Variants in HDAC4 observed in about 807,000 individuals in gnomAD.
The protein encoded by HDAC4 is histone deacetylase 4.
In HDAC4, 16 loss-of-function variants were observed where a neutral mutation model predicts 135.1. The observed-to-expected ratio is 0.12, with a 90% confidence interval of 0.08 to 0.18. The LOEUF is 0.18. HDAC4 is among the 10% of genes least tolerant of loss of function. HDAC4 has a pLI of 1.00. For synonymous variants in HDAC4, 685 were observed against 653.4 expected (o/e 1.05, Z -0.74); for missense variants, 1,143 against 1,511.8 (o/e 0.76, Z 4.05).
intron 3 of HDAC4, among the ~76,000 whole-genome samples, chr2:239,203,176 G>A (rs1188413692): frequency 6.6e-6 from 1 of 152,170 alleles, no homozygotes; most frequent in Non-Finnish European, 1.5e-5. Flanking sequence ...ACACCAAGGG[G>A]AAGAGCTCAG....
intron 12 of HDAC4, among the ~76,000 whole-genome samples, chr2:239,121,371 G>A (rs1407841695): frequency 6.6e-6 from 1 of 152,172 alleles, no homozygotes; most frequent in African/African-American, 2.4e-5. Flanking sequence ...GCGGGGGTCA[G>A]CCTCTCTTCC....
chr2:239,154,177 T>C (rs2042281108), intron 7 of HDAC4, among the ~76,000 whole-genome samples: 1 of 151,826 alleles, frequency 6.6e-6, no homozygotes, highest in Non-Finnish European at 1.5e-5. Flanking sequence ...GGGCCCTTGG[T>C]GGAAAGGCTC....
intron 3 of HDAC4, among the ~76,000 whole-genome samples, chr2:239,211,329 A>G (rs1227977504): frequency 6.6e-6 from 1 of 152,202 alleles, no homozygotes; most frequent in East Asian, 1.9e-4. Context: ...AGAATGCTGG[A>G]AAGAATTGGG....
chr2:239,348,104 C>T (rs1447040858), intron 2 of HDAC4, among the ~76,000 whole-genome samples: 6 of 150,148 alleles, frequency 4.0e-5, no homozygotes, highest in Non-Finnish European at 8.9e-5. Flanking sequence ...TGCTTCCTAT[C>T]GAGAGCATCA....
intron 22 of HDAC4, among the ~76,000 whole-genome samples, chr2:239,076,106 G>A (rs2152657848): frequency 6.6e-6 from 1 of 152,068 alleles, no homozygotes; most frequent in Admixed American, 6.5e-5. Context: ...TCAGCTTCCG[G>A]GGAAACAAAG....
chr2:239,137,234 G>T (rs905906749), intron 9 of HDAC4, among the ~76,000 whole-genome samples: 4 of 152,234 alleles, frequency 2.6e-5, no homozygotes, highest in Non-Finnish European at 5.9e-5. Context: ...CGAGCCCTGC[G>T]GGAGGCATTC....
Position 239,301,092 on chromosome 2 carries a change from A to T in HDAC4, c.22+51586T>A, listed in dbSNP as rs78309443. On this transcript the variant is annotated intron_variant, in intron 2 of 26. Transcript: ENST00000543185. ...GGTCCCTCAGCCCCGGCGGGGAGCA[A>T]GGCCTTCCTGCAGCAACCCCTCAGG... Among the ~76,000 whole-genome samples, 23 of 152,242 alleles carry T rather than the reference A, an allele frequency of 1.5e-4. No homozygotes were observed. In the East Asian group the frequency reaches 4.3e-3, roughly 28 times the overall value.
At chr2:239,198,388 T>A (rs1447362626) in intron 3 of HDAC4, among the ~76,000 whole-genome samples, 1 of 152,172 alleles carries the variant, frequency 6.6e-6, no homozygotes, top group Admixed American at 6.5e-5. Flanking sequence ...AGGGCTGGCC[T>A]ACTGTCCACG....
rs1365254236 is a variant in HDAC4 at position 239,090,102 on chromosome 2, G to A, written c.2295C>T (p.Thr765=). The change falls in exon 18 of 27, where the codon ACC becomes ACT. Residue 765 remains threonine, a synonymous_variant. Transcript: ENST00000543185. The part of the protein sequence containing the change: ...PCGGVGVDSD[T]IWNEVHSAGA... Reference sequence around the variant, plus strand: ...CCGCCGAGTGCACCTCGTTCCATATGGTGTCACTGTCCACCTGTGGAAACA... The same window carrying A: ...CCGCCGAGTGCACCTCGTTCCATATAGTGTCACTGTCCACCTGTGGAAACA... 3 of 1,612,864 alleles carry A rather than the reference G, an allele frequency of 1.9e-6. No homozygotes were observed. In the East Asian group the frequency reaches 6.7e-5, roughly 36 times the overall value.
At chr2:239,359,937 G>A (rs899682513) in intron 1 of HDAC4, among the ~76,000 whole-genome samples, 8 of 152,216 alleles carry the variant, frequency 5.3e-5, no homozygotes, top group African/African-American at 1.9e-4. Flanking sequence ...CAAAGGAAGT[G>A]AGAATTCAGG....
At chr2:239,270,089 G>A (rs2049976466) in intron 2 of HDAC4, among the ~76,000 whole-genome samples, 1 of 152,208 alleles carries the variant, frequency 6.6e-6, no homozygotes, top group Non-Finnish European at 1.5e-5. Context: ...CTCTGGATGA[G>A]CTCAGGATGT....
At chr2:239,390,501 T>C (rs1696126008) in intron 1 of HDAC4, among the ~76,000 whole-genome samples, 1 of 152,044 alleles carries the variant, frequency 6.6e-6, no homozygotes, top group Non-Finnish European at 1.5e-5. Context: ...CTGTAGTGAG[T>C]GGTGATTGTA....
intron 2 of HDAC4, among the ~76,000 whole-genome samples, chr2:239,311,435 G>A (rs924610772): frequency 3.3e-5 from 5 of 152,162 alleles, no homozygotes; most frequent in South Asian, 4.1e-4. Context: ...GTTCTGATCC[G>A]CAGAACACAT....
chr2:239,105,042 G>T (rs1333391656), intron 15 of HDAC4, among the ~76,000 whole-genome samples: 1 of 152,256 alleles, frequency 6.6e-6, no homozygotes, highest in Non-Finnish European at 1.5e-5. Context: ...GTGCAATATT[G>T]TGACGGCTCA....
At chr2:239,094,052 T>C (rs1168088256) in intron 17 of HDAC4, 4 of 985,450 alleles carry the variant, frequency 4.1e-6, no homozygotes, top group Non-Finnish European at 4.8e-6. Context: ...ATCCAGACCT[T>C]GAGCTTCACC....
intron 2 of HDAC4, among the ~76,000 whole-genome samples, chr2:239,290,539 G>A (rs1049587388): frequency 1.3e-5 from 2 of 152,082 alleles, no homozygotes; most frequent in African/African-American, 2.4e-5. Context: ...TCAATCTTTA[G>A]AAAAATCAAA....
At chr2:239,340,855 G>A (rs1415590708) in intron 2 of HDAC4, among the ~76,000 whole-genome samples, 1 of 152,100 alleles carries the variant, frequency 6.6e-6, no homozygotes, top group Non-Finnish European at 1.5e-5. Context: ...GCCCACCAGA[G>A]ATAAAGGGCA....
At chr2:239,170,617 T>C (rs1055241007) in intron 5 of HDAC4, among the ~76,000 whole-genome samples, 10 of 152,232 alleles carry the variant, frequency 6.6e-5, no homozygotes, top group African/African-American at 1.9e-4. Context: ...TTTTCAATAA[T>C]GTAACTTCAA....
chr2:239,268,528 T>C (rs1013756745), intron 2 of HDAC4, among the ~76,000 whole-genome samples: 2 of 152,278 alleles, frequency 1.3e-5, no homozygotes, highest in African/African-American at 2.4e-5. Context: ...ACTTCTTCCC[T>C]GCTGGCTTTT....
Sources: allele counts gnomAD v4.1 joint callset (sites outside exome capture counted in the v4.1 genomes callset), GRCh38; gene constraint gnomAD v4.1.1; transcripts MANE v1.5; gene names NCBI Gene and HGNC (gene_info 2026-07-23, HGNC 2026-07-21).